Variants in CRELD1 observed in about 807,000 individuals in gnomAD.
CRELD1 encodes CRELD disulfide isomerase 1, also known as protein disulfide isomerase CRELD1.
In CRELD1, 42 loss-of-function variants were observed where a neutral mutation model predicts 58.2. The observed-to-expected ratio is 0.72, with a 90% confidence interval of 0.56 to 0.93. CRELD1 has a LOEUF of 0.93. Ranked by LOEUF, CRELD1 falls within the 40% of genes least tolerant of loss-of-function variation. The pLI is 0.00. For missense variants in CRELD1, 500 were observed against 540.6 expected, an observed-to-expected ratio of 0.92 and a Z score of 0.74; for synonymous variants, 222 against 202.0, an observed-to-expected ratio of 1.10 and a Z score of -0.84.
chr3:9,935,138 G>A (rs1190994619), intron 3 of CRELD1: 1 of 531,636 alleles, frequency 1.9e-6, no homozygotes, highest in Non-Finnish European at 3.4e-6. Context: ...ATAATATTAT[G>A]TCAGATGAAG....
intron 5 of CRELD1, among the ~76,000 whole-genome samples, chr3:9,939,051 TG>T (rs2085273717): frequency 6.6e-6 from 1 of 150,634 alleles, no homozygotes; most frequent in African/African-American, 2.4e-5. Flanking sequence ...TAGGCTGAGG[TG>T]GGAGGATTGC....
At chr3:9,939,424 A>G (rs972770755) in intron 5 of CRELD1, among the ~76,000 whole-genome samples, 14 of 152,168 alleles carry the variant, frequency 9.2e-5, no homozygotes, top group Admixed American at 2.0e-4. Context: ...AGGGAAGGTC[A>G]GCAGATAAAC....
chr3:9,943,831 A>G, intron 10 of CRELD1: 2 of 1,613,460 alleles, frequency 1.2e-6, no homozygotes, highest in South Asian at 2.2e-5. Context: ...GTGTGGTGAG[A>G]TGCAGGGTAA....
In CRELD1 at chr3:9,945,355, C is replaced by T. The variant is rs1404218664; in HGVS notation, c.*776C>T. ...GACAAATGTGAAGACCTGGACAGTA[C>T]ACAACAGATATTCAATAAAAGTGTG... On this transcript the variant is annotated 3_prime_UTR_variant, in exon 11 of 11. Transcript: ENST00000452070. 6.5e-6 allele frequency: 1 copy of T among 152,676 alleles called. No individual in the cohort carries two copies. Among genetic ancestry groups the T allele is most frequent in the Admixed American group, 6.5e-5 (1 of 15,332 alleles). 9.5% of individuals were successfully genotyped at this position (152,676 alleles called of 1,614,324 possible). A position where few individuals can be genotyped will look rare whatever the true frequency, so the allele number is the denominator to read the frequency against.
rs2085127350 is a variant in CRELD1, at chr3:9,934,925, G to C, written c.257+8G>C. On this transcript the variant is annotated splice_region_variant and intron_variant, in intron 3 of 10. Transcript: ENST00000452070. The stretch of plus-strand genomic sequence containing the variant: ...GTCCAAATACAAAGACAGGTAAGGG[G>C]CTGCTGGGGGAAGGGGTGTATATTC... 2 of 1,604,900 alleles carry C rather than the reference G, an allele frequency of 1.2e-6. No homozygotes were observed. The highest frequency in any genetic ancestry group is 1.1e-5 in the South Asian group (1 of 89,796).
chr3:9,935,179 A>G (rs1229622033), intron 3 of CRELD1: 29 of 436,918 alleles, frequency 6.6e-5, no homozygotes, highest in Non-Finnish European at 1.2e-4. Context: ...AGACTGCAGG[A>G]CGGTGGGAGG....
At chr3:9,935,896 A>C (rs937932371) in intron 3 of CRELD1, 1 of 152,234 alleles carries the variant, frequency 6.6e-6, no homozygotes, top group Non-Finnish European at 1.5e-5. Flanking sequence ...AATTGGAAAC[A>C]GGAATTTGAG....
chr3:9,936,571 A>G (rs1285819127), intron 3 of CRELD1, among the ~76,000 whole-genome samples: 1 of 150,636 alleles, frequency 6.6e-6, no homozygotes, highest in Non-Finnish European at 1.5e-5. Context: ...ATATATATGT[A>G]TATATTTGTG....
chr3:9,939,877 C>G, intron 5 of CRELD1, among the ~76,000 whole-genome samples: 1 of 152,202 alleles, frequency 6.6e-6, no homozygotes, highest in Non-Finnish European at 1.5e-5. Flanking sequence ...GGTGGCCGGG[C>G]AGAGGGGCTC....
Position 9,940,955 on chromosome 3 carries a change from G to T in CRELD1, c.566G>T (p.Gly189Val). ...GHCDCQAGYG[G>V]EACGQCGLGY... is the part of the protein sequence containing the mutation. ...TGTGACTGCCAAGCCGGCTACGGGG[G>T]TGAGGCCTGTGGCCAGTGTGGCCTT... Residue 189 changes from glycine to valine, a missense_variant, in exon 6 of 11, where the codon GGT (glycine) becomes GTT (valine). By Grantham distance (109) the Gly-to-Val change is moderately radical. Transcript: ENST00000452070. The T allele has an allele frequency of 6.2e-7, 1 of 1,614,162 alleles. No individual in the cohort carries two copies. Among genetic ancestry groups the T allele is most frequent in the Non-Finnish European group, 8.5e-7 (1 of 1,180,032 alleles).
chr3:9,938,109 G>A lies in CRELD1; in HGVS notation c.460+3G>A. The A allele has an allele frequency of 6.2e-7, 1 of 1,611,720 alleles. No homozygotes were observed. The highest frequency in any genetic ancestry group is 8.5e-7 in the Non-Finnish European group (1 of 1,178,766). Reference sequence around the variant, plus strand: ...CACCTTCGGGCCCTCCTGCCTTCGTGAGTTTTTAAGTTGCTCTTGGGGATG... The same window carrying A: ...CACCTTCGGGCCCTCCTGCCTTCGTAAGTTTTTAAGTTGCTCTTGGGGATG... On this transcript the variant is annotated splice_donor_region_variant and intron_variant, in intron 5 of 10. Transcript: ENST00000452070.
At chr3:9,940,706 G>A in intron 5 of CRELD1, 144 bp from the exon 6 acceptor site, 1 of 617,534 alleles carries the variant, frequency 1.6e-6, no homozygotes, top group Non-Finnish European at 2.9e-6. Context: ...GGAGGCCATG[G>A]GGAGAGGGAG....
intron 10 of CRELD1, chr3:9,943,835 A>G: frequency 3.1e-6 from 5 of 1,613,630 alleles, no homozygotes; most frequent in Non-Finnish European, 4.2e-6. Context: ...GGTGAGATGC[A>G]GGGTAATCAC....
rs551275113 is a variant in CRELD1 at position 9,939,236 on chromosome 3, TGTCA to T, written c.460+1133_460+1136del. 2.8e-3 allele frequency among the ~76,000 whole-genome samples: 423 copies of T among 152,258 alleles called. 3 individuals carry two copies. Among genetic ancestry groups the T allele is most frequent in the African/African-American group, 9.7e-3 (405 of 41,548 alleles). On this transcript the variant is annotated intron_variant, in intron 5 of 10. Coordinates refer to ENST00000452070, the MANE Select transcript of CRELD1 (RefSeq NM_001077415.3). ...CACAAGAGGAAATTGGTTAAGTAAA[TGTCA>T]GTTTTATGACAAAATATTATGTCAT... is the stretch of plus-strand genomic sequence containing the variant.
chr3:9,940,502 C>A (rs1277936700), intron 5 of CRELD1, among the ~76,000 whole-genome samples: 2 of 152,014 alleles, frequency 1.3e-5, no homozygotes, highest in Middle Eastern at 3.4e-3. Context: ...CCCGTCTCCA[C>A]CAAAAAAATA....
chr3:9,935,560 T>C (rs3894571), intron 3 of CRELD1: 85,163 of 153,382 alleles, frequency 0.56, 25,044 homozygotes, highest in African/African-American at 0.76. Context: ...ATCATCTAGG[T>C]ACAAAGGCAA....
In CRELD1 at chr3:9,942,879, G is replaced by T; in HGVS notation, c.800G>T (p.Gly267Val). Reference protein sequence around the residue: ...GADQFCVNTEGSYECRDCAKA... With the variant: ...GADQFCVNTEVSYECRDCAKA... Reference sequence around the variant, plus strand: ...GACCAATTCTGCGTGAACACTGAGGGCTCCTATGAGTGCCGAGGTCAGTGT... The same window carrying T: ...GACCAATTCTGCGTGAACACTGAGGTCTCCTATGAGTGCCGAGGTCAGTGT... The change falls in exon 8 of 11, where the codon GGC (glycine) becomes GTC (valine). Residue 267 changes from glycine to valine, a missense_variant. Transcript: ENST00000452070. 6.2e-7 allele frequency: 1 copy of T among 1,614,072 alleles called. No homozygotes were observed. The highest frequency in any genetic ancestry group is 8.5e-7 in the Non-Finnish European group (1 of 1,179,918).
chr3:9,944,166 G>T, intron 10 of CRELD1, 199 bp from the exon 11 acceptor site: 1 of 790,004 alleles, frequency 1.3e-6, no homozygotes. Flanking sequence ...ACCTCTCTGA[G>T]CCTCACTTTC....
intron 5 of CRELD1, among the ~76,000 whole-genome samples, chr3:9,939,835 A>G (rs1425736502): frequency 6.6e-6 from 1 of 152,096 alleles, no homozygotes; most frequent in Non-Finnish European, 1.5e-5. Flanking sequence ...CCCGTTCTCA[A>G]TGAGCTGTTG....
Sources: gnomAD v4.1 joint callset for allele counts (sites outside exome capture counted in the v4.1 genomes callset) on GRCh38, gnomAD v4.1.1 for gene constraint, MANE v1.5 for transcripts, NCBI Gene and HGNC (gene_info 2026-07-23, HGNC 2026-07-21) for gene names.